The following CACNA1A variants were observed in gnomAD, a reference collection of about 807,000 sequenced individuals.
CACNA1A encodes calcium voltage-gated channel subunit alpha1 A.
A neutral mutation model predicts 262.4 loss-of-function variants in CACNA1A; 57 were observed. The observed-to-expected ratio is 0.22, with a 90% CI of 0.18 to 0.27. CACNA1A has a LOEUF of 0.27. Ranked by LOEUF, CACNA1A falls within the 10% of genes least tolerant of loss-of-function variation. The pLI is 1.00. For missense variants in CACNA1A, 2,526 were observed against 3,562.8 expected, an observed-to-expected ratio of 0.71 and a Z score of 7.41; for synonymous variants, 1,431 against 1,419.3, an observed-to-expected ratio of 1.01 and a Z score of -0.18.
At chr19:13,454,583 G>A (rs982870941) in intron 2 of CACNA1A, among the ~76,000 whole-genome samples, 1 of 152,070 alleles carries the variant, frequency 6.6e-6, no homozygotes, top group South Asian at 2.1e-4. Context: ...TGTTGGTCAG[G>A]ATGGTCTCGA....
intron 3 of CACNA1A, among the ~76,000 whole-genome samples, chr19:13,377,029 A>G (rs1023067502): frequency 3.3e-5 from 5 of 151,808 alleles, no homozygotes; most frequent in African/African-American, 1.2e-4. Context: ...GCACGACCTC[A>G]GCTCACTGCA....
chr19:13,484,126 C>A (rs578000049), intron 1 of CACNA1A, among the ~76,000 whole-genome samples: 5 of 152,218 alleles, frequency 3.3e-5, no homozygotes, highest in African/African-American at 1.2e-4. Context: ...TTCAAGAGTG[C>A]CAATTAACTT....
In CACNA1A at chr19:13,359,782, A is replaced by C; in HGVS notation, c.802T>G (p.Ser268Ala). 1 of 1,531,694 alleles carries C rather than the reference A, an allele frequency of 6.5e-7. No individual in the cohort carries two copies. Among genetic ancestry groups the C allele is most frequent in the Non-Finnish European group, 8.8e-7 (1 of 1,134,448 alleles). The allele number at this position is 1,531,694 out of a possible 1,614,324, so 94.9% of individuals were successfully genotyped here. A position where few individuals can be genotyped will look rare whatever the true frequency, so the allele number is the denominator to read the frequency against. Residue 268 changes from serine (S) to alanine (A), a missense_variant, in exon 6 of 47, where the codon TCT becomes GCT. Ser to Ala is a moderately conservative substitution (Grantham distance 99, BLOSUM62 1). Transcript: ENST00000360228. ...EEGTDDIQGE[S>A]PAPCGTEEPA... is the part of the protein sequence containing the mutation. ...TCTTCTGTCCCACATGGAGCCGGAG[A>C]CTCACCCTGAATGTCATCTACAAAA...
At chr19:13,311,490 CA>C (rs1568522446) in intron 12 of CACNA1A, among the ~76,000 whole-genome samples, 1 of 152,054 alleles carries the variant, frequency 6.6e-6, no homozygotes, top group African/African-American at 2.4e-5. Context: ...TTGTTTTCTC[CA>C]ACAACATAAT....
At chr19:13,429,325 T>C (rs912555486) in intron 3 of CACNA1A, among the ~76,000 whole-genome samples, 3 of 151,698 alleles carry the variant, frequency 2.0e-5, no homozygotes, top group African/African-American at 7.3e-5. Flanking sequence ...TGCGATATTG[T>C]GTCTCAGATG....
At chr19:13,462,497 A>G (rs1247412889) in intron 1 of CACNA1A, among the ~76,000 whole-genome samples, 1 of 152,218 alleles carries the variant, frequency 6.6e-6, no homozygotes, top group Non-Finnish European at 1.5e-5. Context: ...ATGATCAACT[A>G]TTATGGGGCC....
At chr19:13,350,867 T>C (rs1236771974) in intron 6 of CACNA1A, among the ~76,000 whole-genome samples, 2 of 152,140 alleles carry the variant, frequency 1.3e-5, no homozygotes, top group East Asian at 1.9e-4. Flanking sequence ...CTGGGCATGA[T>C]GGTATGTGCT....
At chr19:13,406,658 C>CT (rs1283095179) in intron 3 of CACNA1A, among the ~76,000 whole-genome samples, 2 of 150,412 alleles carry the variant, frequency 1.3e-5, no homozygotes, top group Non-Finnish European at 3.0e-5. Context: ...CCAATTTGCC[C>CT]TTTGATACTG....
chr19:13,279,882 C>T (rs2057247533), intron 22 of CACNA1A, among the ~76,000 whole-genome samples: 1 of 151,944 alleles, frequency 6.6e-6, no homozygotes, highest in Non-Finnish European at 1.5e-5. Flanking sequence ...CATCTTGGCT[C>T]ACTGCAACCT....
At chr19:13,390,927 G>A (rs1259201429) in intron 3 of CACNA1A, among the ~76,000 whole-genome samples, 1 of 151,664 alleles carries the variant, frequency 6.6e-6, no homozygotes, top group African/African-American at 2.4e-5. Context: ...TTGCTTTGTC[G>A]CTAGACTGGA....
intron 3 of CACNA1A, among the ~76,000 whole-genome samples, chr19:13,423,901 C>T (rs1055218214): frequency 6.6e-6 from 1 of 152,128 alleles, no homozygotes; most frequent in Non-Finnish European, 1.5e-5. Flanking sequence ...AGGCTCTTTG[C>T]CAATGTTGGC....
Position 13,214,905 on chromosome 19 carries a change from C to A in CACNA1A, c.5732-297G>T. ...AATCTTGTCTCCCAGTTATCGGCTG[C>A]ATGACTTAGGTTACTCTACCACTTA... On this transcript the variant is annotated intron_variant, in intron 38 of 46. Transcript: ENST00000360228. The surrounding 1 kb of genome is among the most constrained non-coding windows in gnomAD (Gnocchi z 4.1). 4.6e-6 allele frequency: 2 copies of A among 435,666 alleles called. No homozygotes were observed. The highest frequency in any genetic ancestry group is 8.3e-6 in the Non-Finnish European group (2 of 240,656). The allele number at this position is 435,666 out of a possible 1,614,324, so 27.0% of individuals were successfully genotyped here.
At chr19:13,233,740 C>T (rs1166012778) in intron 34 of CACNA1A, among the ~76,000 whole-genome samples, 1 of 152,182 alleles carries the variant, frequency 6.6e-6, no homozygotes, top group Non-Finnish European at 1.5e-5. Context: ...ATCCTCCCAC[C>T]TCGGCCTCCC....
At chr19:13,365,702 C>T in intron 4 of CACNA1A, 6 of 428,152 alleles carry the variant, frequency 1.4e-5, no homozygotes. Flanking sequence ...GGGTTTTGCA[C>T]TGCTGCCCAG....
At chr19:13,341,038 C>T (rs1323519390) in intron 6 of CACNA1A, among the ~76,000 whole-genome samples, 1 of 152,152 alleles carries the variant, frequency 6.6e-6, no homozygotes, top group Non-Finnish European at 1.5e-5. Flanking sequence ...CACCACTGCA[C>T]TCCAGCCTGG....
chr19:13,449,373 C>T (rs554160416), intron 3 of CACNA1A, among the ~76,000 whole-genome samples: 1 of 152,304 alleles, frequency 6.6e-6, no homozygotes, highest in South Asian at 2.1e-4. Context: ...TCATAGCTCA[C>T]TACAGCGTCG....
Position 13,455,267 on chromosome 19 carries a change from G to A in CACNA1A, c.294-55C>T, listed in dbSNP as rs1238121109. 6.6e-6 allele frequency: 7 copies of A among 1,055,862 alleles called. No individual in the cohort carries two copies. In the East Asian group the frequency reaches 7.2e-5, roughly 11 times the overall value. 65.4% of individuals were successfully genotyped at this position (1,055,862 alleles called of 1,614,324 possible). The stretch of plus-strand genomic sequence containing the variant: ...CAAAGAAAAGAAGGGTGTTGGAGGT[G>A]CACCCACCCCCACTGACCCCAGTGG... On this transcript the variant is annotated intron_variant, in intron 1 of 46. Transcript: ENST00000360228.
chr19:13,255,999 T>TC (rs2056557894), intron 28 of CACNA1A, among the ~76,000 whole-genome samples: 1 of 137,326 alleles, frequency 7.3e-6, no homozygotes, highest in Non-Finnish European at 1.6e-5. Flanking sequence ...CTTCCTTTTT[T>TC]TTTTTTTTTC....
intron 3 of CACNA1A, among the ~76,000 whole-genome samples, chr19:13,439,236 G>C (rs1352148106): frequency 1.3e-5 from 2 of 150,284 alleles, no homozygotes; most frequent in African/African-American, 2.5e-5. Flanking sequence ...AGCCTCCCGA[G>C]TAGCTGGGAC....
Sources: allele counts gnomAD v4.1 joint callset (sites outside exome capture counted in the v4.1 genomes callset), GRCh38; gene constraint gnomAD v4.1.1; non-coding constraint Gnocchi (gnomAD v3.1); transcripts MANE v1.5; gene names NCBI Gene and HGNC (gene_info 2026-07-23, HGNC 2026-07-21).